The following KRT40 variants were observed in gnomAD, a reference collection of about 807,000 sequenced individuals.
KRT40 encodes the protein keratin 40.
KRT40 carries 47 observed loss-of-function variants against 43.5 expected under a neutral mutation model. The ratio of observed to expected loss-of-function variants is 1.08; its 90% CI spans 0.86 to 1.38. The LOEUF is 1.38. Among genes scored for constraint, KRT40 ranks in the 40% most tolerant of loss-of-function variants. The pLI is 0.00. For missense variants in KRT40, 573 were observed against 523.6 expected (o/e 1.09, Z -0.92); for synonymous variants, 212 against 214.0 (o/e 0.99, Z 0.08).
At chr17:40,979,488 G>C (rs11867851) in intron 5 of KRT40, among the ~76,000 whole-genome samples, 57,312 of 150,416 alleles carry the variant, frequency 0.38, 13,235 homozygotes, top group African/African-American at 0.66. Flanking sequence ...GGCGACAGAG[G>C]GAGACTCCGT....
rs1213521460 is a variant in KRT40 at position 40,982,366 on chromosome 17, C to T, written c.628G>A (p.Glu210Lys). The change falls in exon 3 of 7, where the codon GAG becomes AAG. Residue 210 changes from glutamate (E) to lysine (K), a missense_variant. Transcript: ENST00000377755. ...EELTLCKSDL[E>K]AHVESLKEDL... is the part of the protein sequence containing the mutation. ...TCCTTCAGAGACTCCACATGGGCCTCCAGATCAGATTTGCACAGGGTCAGT... is the reference window on the plus strand; with the variant it reads ...TCCTTCAGAGACTCCACATGGGCCTTCAGATCAGATTTGCACAGGGTCAGT... 2.5e-6 allele frequency: 4 copies of T among 1,610,040 alleles called. No homozygotes were observed. The highest frequency in any genetic ancestry group is 1.3e-5 in the African/African-American group (1 of 74,600).
chr17:40,986,000 G>C (rs1597924141), upstream of KRT40, among the ~76,000 whole-genome samples: 1 of 152,152 alleles, frequency 6.6e-6, no homozygotes, highest in African/African-American at 2.4e-5. Flanking sequence ...ATTTGTTACT[G>C]GTTATTGTCC....
chr17:40,984,335 T>G, upstream of KRT40: 6 of 1,320,704 alleles, frequency 4.5e-6, no homozygotes, highest in African/African-American at 1.5e-5. Context: ...TCCAAAACTC[T>G]CCTCTCCTGA....
At chr17:40,986,685 A>T (rs1912482090), upstream of KRT40, among the ~76,000 whole-genome samples, 1 of 152,060 alleles carries the variant, frequency 6.6e-6, no homozygotes. Flanking sequence ...AGAAGAAAGG[A>T]ACATTGGGAA....
rs2143673536 is a variant in KRT40 at position 40,980,873 on chromosome 17, T to C, written c.887A>G (p.Glu296Gly). ...CTCCATCTGGCAGCCCTGCAGCTGC[T>C]CCGCGCTGGACAGTTGCTGCTGATT... is the stretch of plus-strand genomic sequence containing the variant. ...ELNQQQLSSA[E>G]QLQGCQMEIL... The change falls in exon 5 of 7, where the codon GAG becomes GGG. Residue 296 changes from glutamate to glycine, a missense_variant. Physicochemically the swap from Glu to Gly is moderately conservative, Grantham distance 98. Coordinates refer to ENST00000377755, the MANE Select transcript of KRT40 (RefSeq NM_001389244.1). 6.2e-7 allele frequency: 1 copy of C among 1,613,900 alleles called. No individual in the cohort carries two copies. Among genetic ancestry groups the C allele is most frequent in the Non-Finnish European group, 8.5e-7 (1 of 1,180,006 alleles).
At chr17:40,984,961 A>C (rs1240843482), upstream of KRT40, among the ~76,000 whole-genome samples, 1 of 152,014 alleles carries the variant, frequency 6.6e-6, no homozygotes, top group East Asian at 1.9e-4. Context: ...CTAAAATATA[A>C]ATTGGTTAGA....
At chr17:40,980,555 C>T (rs1185019836) in intron 5 of KRT40, among the ~76,000 whole-genome samples, 1 of 152,174 alleles carries the variant, frequency 6.6e-6, no homozygotes, top group Non-Finnish European at 1.5e-5. Flanking sequence ...TCTGCTTCTC[C>T]CTCCCTGTCT....
intron 1 of KRT40, 62 bp from the exon 2 acceptor site, chr17:40,983,190 C>T: frequency 2.8e-6 from 2 of 715,086 alleles, no homozygotes; most frequent in East Asian, 2.7e-5. Context: ...AAACTTCTAT[C>T]CAACAGCTAT....
In KRT40 at chr17:40,981,058, T is replaced by C. The variant is rs908225598; in HGVS notation, c.781A>G (p.Met261Val). The C allele has an allele frequency of 1.2e-6, 2 of 1,614,108 alleles. No homozygotes were observed. The highest frequency in any genetic ancestry group is 2.7e-5 in the African/African-American group (2 of 74,928). ...AGCACCGTTTCACACTGACAGCGCA[T>C]CTCATCCAGGACCCTGTTGAGGTCA... ...TLDLNRVLDEMRCQCETVLAN... is the reference protein window; with the variant it reads ...TLDLNRVLDEVRCQCETVLAN... Residue 261 changes from methionine (M) to valine (V), a missense_variant, in exon 4 of 7, where the codon ATG (methionine) becomes GTG (valine). Transcript: ENST00000377755.
chr17:40,983,641 CA>C (rs1401196487), intron 1 of KRT40, among the ~76,000 whole-genome samples, 185 bp downstream of exon 1: 2 of 152,154 alleles, frequency 1.3e-5, no homozygotes, highest in African/African-American at 2.4e-5. Flanking sequence ...ACTCAGTAAT[CA>C]GGGGTAGCTC....
At chr17:40,985,688 G>A (rs1912439411), upstream of KRT40, among the ~76,000 whole-genome samples, 1 of 152,148 alleles carries the variant, frequency 6.6e-6, no homozygotes, top group Admixed American at 6.5e-5. Context: ...TTTGAATTTA[G>A]TGATTCTCTT....
At chr17:40,981,290 CTT>C (rs761626012) in intron 3 of KRT40, 139 bp from the exon 4 acceptor site, 2 of 1,490,016 alleles carry the variant, frequency 1.3e-6, no homozygotes, top group Non-Finnish European at 1.8e-6. Flanking sequence ...GGCTGAATCT[CTT>C]TTCACCACTT....
chr17:40,985,841 C>A (rs996294312), upstream of KRT40, among the ~76,000 whole-genome samples: 1 of 152,124 alleles, frequency 6.6e-6, no homozygotes, highest in African/African-American at 2.4e-5. Flanking sequence ...TTCACAGTAA[C>A]CTAATGAGTC....
upstream of KRT40, chr17:40,986,169 A>T (rs1014929655): frequency 6.6e-6 from 1 of 152,422 alleles, no homozygotes; most frequent in Non-Finnish European, 1.5e-5. Context: ...ACCAGAGGAA[A>T]GCAAGTTAGT....
At chr17:40,986,256 C>CAAAAAA (rs1912464193), upstream of KRT40, 1 of 95,730 alleles carries the variant, frequency 1.0e-5, no homozygotes, top group Non-Finnish European at 2.1e-5. Flanking sequence ...TAAAAAAAAC[C>CAAAAAA]AAAAAACAAA....
chr17:40,983,101 T>C lies in KRT40; in HGVS notation c.475A>G (p.Arg159Gly), dbSNP rs1912273698. The change falls in exon 2 of 7, where the codon AGA (arginine) becomes GGA (glycine). Residue 159 changes from arginine to glycine, a missense_variant. Coordinates refer to ENST00000377755, the MANE Select transcript of KRT40 (RefSeq NM_001389244.1). Reference protein sequence around the residue: ...KILCTKAENSRLAVQLDNCKL... With the variant: ...KILCTKAENSGLAVQLDNCKL... Reference sequence around the variant, plus strand: ...CAGTTGTCAAGCTGTACAGCAAGTCTAGAATTCTCTGCTTTCGTGCATAAG... The same window carrying C: ...CAGTTGTCAAGCTGTACAGCAAGTCCAGAATTCTCTGCTTTCGTGCATAAG... The C allele has an allele frequency of 1.3e-6, 2 of 1,509,518 alleles. No homozygotes were observed. Among genetic ancestry groups the C allele is most frequent in the African/African-American group, 1.4e-5 (1 of 71,366 alleles). 93.5% of individuals were successfully genotyped at this position (1,509,518 alleles called of 1,614,324 possible).
chr17:40,979,713 G>C (rs1278976530), intron 5 of KRT40, among the ~76,000 whole-genome samples: 2 of 152,154 alleles, frequency 1.3e-5, no homozygotes, highest in Non-Finnish European at 2.9e-5. Flanking sequence ...ATTAAGAGAA[G>C]AGGCTCTGGA....
In KRT40 at chr17:40,978,172, T is replaced by C; in HGVS notation, c.*25A>G. 2 of 1,564,716 alleles carry C rather than the reference T, an allele frequency of 1.3e-6. No homozygotes were observed. The highest frequency in any genetic ancestry group is 2.2e-5 in the South Asian group (2 of 89,748). On this transcript the variant is annotated 3_prime_UTR_variant, in exon 7 of 7. Transcript: ENST00000377755. ...CTTTCTAGGATGCTGCTGGCTTTGA[T>C]TCCTCTACCTGCTGTCCTTAACATT...
intron 1 of KRT40, 131 bp downstream of exon 1, chr17:40,983,696 C>T: frequency 1.2e-6 from 1 of 837,862 alleles, no homozygotes; most frequent in South Asian, 1.7e-5. Flanking sequence ...CCGGTGCTCT[C>T]CCCTATGTAT....
Sources: allele counts gnomAD v4.1 joint callset (sites outside exome capture counted in the v4.1 genomes callset), GRCh38; gene constraint gnomAD v4.1.1; transcripts MANE v1.5; gene names NCBI Gene and HGNC (gene_info 2026-07-23, HGNC 2026-07-21).